EFHB: variants seen among roughly 807,000 people sequenced by gnomAD.
The protein encoded by EFHB is EF-hand domain-containing family member B.
A neutral mutation model predicts 87.2 loss-of-function variants in EFHB; 91 were observed. That is an observed-to-expected ratio of 1.04 (90% CI 0.88 to 1.24). The LOEUF (loss-of-function observed/expected upper bound fraction) is 1.24, where lower values mean the gene tolerates loss of function less well. Ranked by LOEUF, EFHB falls within the 50% of genes most tolerant of loss-of-function variation. EFHB has a pLI of 0.00. For synonymous variants in EFHB, 325 were observed against 333.6 expected, an observed-to-expected ratio of 0.97 and a Z score of 0.28; for missense variants, 1,084 against 998.8, an observed-to-expected ratio of 1.09 and a Z score of -1.15.
intron 1 of EFHB, among the ~76,000 whole-genome samples, chr3:19,926,849 G>T (rs933405578): frequency 3.3e-5 from 5 of 151,412 alleles, no homozygotes; most frequent in Non-Finnish European, 7.4e-5. Flanking sequence ...TAGTAGAGAC[G>T]GGGTTTCTCT....
At chr3:19,899,540 T>A (rs780781110) in intron 6 of EFHB, 25 bp from the exon 7 acceptor site, 2 of 1,562,436 alleles carry the variant, frequency 1.3e-6, no homozygotes, top group South Asian at 2.4e-5. Context: ...CATTATCAGG[T>A]ATCTCTATTA....
Position 19,884,485 on chromosome 3 carries a change from C to T in EFHB, c.2064G>A (p.Leu688=). ...GSTEKTLRTL[L]RPSDKVSNYY... ...AGTTGGAAACTTTATCACTTGGTCT[C>T]AGAAGTGTCCGGAGAGTCTTTTCTG... The change falls in exon 11 of 13, where the codon CTG becomes CTA. Residue 688 remains leucine, a synonymous_variant. Transcript: ENST00000295824. The T allele has an allele frequency of 6.2e-7, 1 of 1,613,970 alleles. No homozygotes were observed.
chr3:19,899,352 G>T, intron 7 of EFHB, 80 bp downstream of exon 7: 2 of 919,490 alleles, frequency 2.2e-6, no homozygotes, highest in Non-Finnish European at 1.6e-6. Context: ...AATCTAATAG[G>T]CACACCAACA....
intron 6 of EFHB, 93 bp from the exon 7 acceptor site, chr3:19,899,608 A>T: frequency 1.3e-6 from 1 of 764,260 alleles, no homozygotes; most frequent in South Asian, 3.3e-5. Flanking sequence ...TAGTATCATT[A>T]GGCCTTCCAG....
chr3:19,931,692 T>G (rs189784048), intron 1 of EFHB, among the ~76,000 whole-genome samples: 123 of 152,356 alleles, frequency 8.1e-4, no homozygotes, highest in African/African-American at 2.8e-3. Context: ...TACCAATGTC[T>G]CAGACTTACT....
At chr3:19,887,262 A>G (rs1286895296) in intron 10 of EFHB, among the ~76,000 whole-genome samples, 1 of 151,706 alleles carries the variant, frequency 6.6e-6, no homozygotes, top group Non-Finnish European at 1.5e-5. Context: ...CACACCTGCC[A>G]TAATCCCAGC....
At chr3:19,886,869 G>A (rs1305533042) in intron 10 of EFHB, among the ~76,000 whole-genome samples, 2 of 151,942 alleles carry the variant, frequency 1.3e-5, no homozygotes, top group African/African-American at 2.4e-5. Flanking sequence ...TGAAAATAGA[G>A]TTACTTCTGA....
chr3:19,933,590 C>T lies in EFHB; in HGVS notation c.429G>A (p.Arg143=). Residue 143 remains arginine (R), a synonymous_variant, in exon 1 of 13, where the codon AGG becomes AGA. Transcript: ENST00000295824. ...CAGGGCCACTAGCCAAAGGAGCTCT[C>T]CTGCTCCCTGCAGCCTGTGAACTTC... ...VCGSSQAAGS[R]RAPLASGPEG... 6.2e-7 allele frequency: 1 copy of T among 1,614,038 alleles called. No homozygotes were observed. Among genetic ancestry groups the T allele is most frequent in the South Asian group, 1.1e-5 (1 of 91,082 alleles).
chr3:19,928,590 G>A lies in EFHB; in HGVS notation c.789+4640C>T, dbSNP rs974013025. 3.9e-5 allele frequency among the ~76,000 whole-genome samples: 6 copies of A among 152,090 alleles called. No homozygotes were observed. The South Asian group carries it at 6.2e-4, about 16-fold the overall frequency. ...CTCCAGAGTAGCTGGGATTACAGGT[G>A]CCTGCCACCACACCCAGCTAATTTT... On this transcript the variant is annotated intron_variant, in intron 1 of 12. Transcript: ENST00000295824.
At chr3:19,892,194 C>T (rs1364358645) in intron 9 of EFHB, among the ~76,000 whole-genome samples, 2 of 152,154 alleles carry the variant, frequency 1.3e-5, no homozygotes, top group Non-Finnish European at 1.5e-5. Context: ...GGGGTGCACC[C>T]TATAGCACAA....
chr3:19,881,889 CT>C (rs969761386), intron 12 of EFHB, among the ~76,000 whole-genome samples: 53 of 152,212 alleles, frequency 3.5e-4, no homozygotes, highest in African/African-American at 1.3e-3. Context: ...TAACTGAGCA[CT>C]GCTATCAATC....
At chr3:19,898,012 T>C (rs1694544387) in intron 8 of EFHB, among the ~76,000 whole-genome samples, 1 of 152,212 alleles carries the variant, frequency 6.6e-6, no homozygotes, top group Non-Finnish European at 1.5e-5. Flanking sequence ...CCCAGGAAGG[T>C]GCAGATTTAA....
chr3:19,924,622 C>A (rs1387787469), intron 1 of EFHB, among the ~76,000 whole-genome samples: 2 of 152,164 alleles, frequency 1.3e-5, no homozygotes, highest in African/African-American at 4.8e-5. Flanking sequence ...CCAGTTTGGT[C>A]TAGGGGAAGA....
chr3:19,927,933 CTATAGTATATA>C (rs1695687084), intron 1 of EFHB, among the ~76,000 whole-genome samples: 1 of 148,608 alleles, frequency 6.7e-6, no homozygotes, highest in Non-Finnish European at 1.5e-5. Flanking sequence ...TAAACAAATA[CTATAGTATATA>C]TATAGTATAT....
intron 1 of EFHB, among the ~76,000 whole-genome samples, chr3:19,927,036 G>A (rs1695655551): frequency 1.3e-5 from 2 of 152,190 alleles, no homozygotes; most frequent in African/African-American, 4.8e-5. Context: ...GTTCATTGCA[G>A]CCTCAACCTC....
chr3:19,880,189 G>A (rs991413913), intron 12 of EFHB, among the ~76,000 whole-genome samples: 5 of 151,602 alleles, frequency 3.3e-5, no homozygotes, highest in African/African-American at 1.2e-4. Context: ...TTGTCATTTT[G>A]GTCTTGTGTA....
intron 4 of EFHB, among the ~76,000 whole-genome samples, chr3:19,916,506 C>A (rs1281269270): frequency 6.6e-6 from 1 of 151,448 alleles, no homozygotes; most frequent in East Asian, 1.9e-4. Context: ...CAGAGTGAGA[C>A]TCCGTCTCAA....
chr3:19,934,407 CCT>C (rs1695956852), upstream of EFHB, among the ~76,000 whole-genome samples: 2 of 131,324 alleles, frequency 1.5e-5, no homozygotes, highest in Admixed American at 7.6e-5. Flanking sequence ...CCTTCTCTCT[CCT>C]CTCTCTCCCT....
rs147510880 is a variant in EFHB, at chr3:19,939,370, C to CTTTTTTTTTTT, written c.-31-3047_-31-3037dup. Among the ~76,000 whole-genome samples the CTTTTTTTTTTT allele has an allele frequency of 3.4e-3, 218 of 64,588 alleles. 28 individuals are homozygous for CTTTTTTTTTTT. Among genetic ancestry groups the CTTTTTTTTTTT allele is most frequent in the African/African-American group, 0.011 (180 of 15,852 alleles). The allele number at this position is 64,588 out of a possible 152,430, so 42.4% of individuals were successfully genotyped here. ...TGCCACTCAAACTGGGTTGGGTCTC[C>CTTTTTTTTTTT]TTTTTTTTTTTTTTTTTTTTTTTTT... On this transcript the variant is annotated intron_variant, in intron 1 of 14. Transcript: ENST00000344838.
Sources: allele counts gnomAD v4.1 joint callset (sites outside exome capture counted in the v4.1 genomes callset), GRCh38; gene constraint gnomAD v4.1.1; transcripts MANE v1.5; gene names NCBI Gene and HGNC (gene_info 2026-07-23, HGNC 2026-07-21).